Variants in BARD1 observed in about 807,000 individuals in gnomAD.
BARD1 encodes BRCA1-associated RING domain protein 1.
In BARD1, 73 loss-of-function variants were observed where a neutral mutation model predicts 77.0. The observed-to-expected ratio is 0.95, with a 90% CI of 0.79 to 1.15. BARD1 has a LOEUF of 1.15. BARD1 is among the 50% of genes most tolerant of loss of function. BARD1 has a pLI of 0.00. For synonymous variants in BARD1, 384 were observed against 338.0 expected (o/e 1.14, Z -1.49); for missense variants, 993 against 938.8 (o/e 1.06, Z -0.75).
intron 1 of BARD1, among the ~76,000 whole-genome samples, chr2:214,805,806 T>C (rs1559450215): frequency 6.6e-6 from 1 of 152,174 alleles, no homozygotes; most frequent in Non-Finnish European, 1.5e-5. Flanking sequence ...AAAAGATTAC[T>C]TTCTAACTTT....
In BARD1 at chr2:214,728,179, C is replaced by T. The variant is rs927470723; in HGVS notation, c.*497G>A. ...AAATGAACACAATATAGGATAAAGACAATTGCAGATAGGAGAATTTAACAC... is the reference window on the plus strand; with the variant it reads ...AAATGAACACAATATAGGATAAAGATAATTGCAGATAGGAGAATTTAACAC... On this transcript the variant is annotated 3_prime_UTR_variant, in exon 11 of 11. Coordinates refer to ENST00000260947, the MANE Select transcript of BARD1 (RefSeq NM_000465.4). 4.5e-6 allele frequency: 1 copy of T among 222,530 alleles called. No individual in the cohort carries two copies. Among genetic ancestry groups the T allele is most frequent in the Non-Finnish European group, 8.8e-6 (1 of 113,718 alleles). The allele number at this position is 222,530 out of a possible 1,614,324, so 13.8% of individuals were successfully genotyped here.
At chr2:214,742,732 T>C (rs1477420033) in intron 9 of BARD1, among the ~76,000 whole-genome samples, 3 of 152,216 alleles carry the variant, frequency 2.0e-5, no homozygotes, top group Non-Finnish European at 2.9e-5. Flanking sequence ...AAATAAATCA[T>C]GTAGCCTGTA....
chr2:214,757,249 T>A lies in BARD1; in HGVS notation c.1569-4694A>T, dbSNP rs7598683. 4.2e-3 allele frequency among the ~76,000 whole-genome samples: 640 copies of A among 152,188 alleles called. 2 individuals are homozygous for A. The highest frequency in any genetic ancestry group is 0.014 in the African/African-American group (591 of 41,542). On this transcript the variant is annotated intron_variant, in intron 6 of 10. Transcript: ENST00000260947. ...AAAAATTCAAAGGCTCTAATTTTTTTTCTGTTCCTTGACAACACAGTACAC... is the reference window on the plus strand; with the variant it reads ...AAAAATTCAAAGGCTCTAATTTTTTATCTGTTCCTTGACAACACAGTACAC...
At chr2:214,776,703 G>A (rs777148236) in intron 4 of BARD1, among the ~76,000 whole-genome samples, 8 of 152,160 alleles carry the variant, frequency 5.3e-5, no homozygotes, top group African/African-American at 1.4e-4. Context: ...GTCCACACAC[G>A]AATAATCCCC....
chr2:214,785,764 A>G (rs1159096000), intron 3 of BARD1, among the ~76,000 whole-genome samples: 1 of 151,948 alleles, frequency 6.6e-6, no homozygotes, highest in Non-Finnish European at 1.5e-5. Flanking sequence ...GAAACGGAGG[A>G]AAGTTGGAAA....
chr2:214,750,392 AC>A (rs2106031731), intron 7 of BARD1, among the ~76,000 whole-genome samples: 1 of 152,254 alleles, frequency 6.6e-6, no homozygotes, highest in East Asian at 1.9e-4. Context: ...TCTGGTCCCA[AC>A]CTAACCCTTT....
intron 6 of BARD1, among the ~76,000 whole-genome samples, chr2:214,753,570 T>C (rs934790756): frequency 2.0e-4 from 30 of 152,182 alleles, no homozygotes; most frequent in East Asian, 9.7e-4. Context: ...ATCAAATGTA[T>C]AGAAAAAGAT....
At chr2:214,791,482 G>A (rs1268196775) in intron 3 of BARD1, among the ~76,000 whole-genome samples, 1 of 152,112 alleles carries the variant, frequency 6.6e-6, no homozygotes, top group Non-Finnish European at 1.5e-5. Flanking sequence ...GCATGATCTG[G>A]TCAATAAAAA....
intron 9 of BARD1, among the ~76,000 whole-genome samples, chr2:214,735,348 AGAG>A (rs1158448411): frequency 6.6e-6 from 1 of 152,188 alleles, no homozygotes; most frequent in Non-Finnish European, 1.5e-5. Flanking sequence ...AGAGCTGAAA[AGAG>A]GAGGTAAAGT....
chr2:214,727,013 TAGAG>T lies in BARD1; in HGVS notation c.*1659_*1662del. ...AAATAAAAAATGACAACCAAAATCCTAGAGAGTCTTAAATTATTTAATCCAGACA... is the reference window on the plus strand; with the variant it reads ...AAATAAAAAATGACAACCAAAATCCTAGTCTTAAATTATTTAATCCAGACA... On this transcript the variant is annotated 3_prime_UTR_variant, in exon 11 of 11. Transcript: ENST00000260947. The T allele has an allele frequency of 4.8e-6, 1 of 206,476 alleles. No individual in the cohort carries two copies. Among genetic ancestry groups the T allele is most frequent in the Non-Finnish European group, 9.3e-6 (1 of 106,990 alleles). The allele number at this position is 206,476 out of a possible 1,614,324, so 12.8% of individuals were successfully genotyped here.
intron 2 of BARD1, among the ~76,000 whole-genome samples, chr2:214,796,317 C>T (rs1695751686): frequency 6.6e-6 from 1 of 152,166 alleles, no homozygotes; most frequent in Admixed American, 6.5e-5. Context: ...GTCTTCACCC[C>T]TCAGTTACTG....
intron 6 of BARD1, among the ~76,000 whole-genome samples, chr2:214,753,440 TG>T (rs796569757): frequency 8.5e-5 from 13 of 152,310 alleles, no homozygotes; most frequent in African/African-American, 2.6e-4. Flanking sequence ...TAGTCTTCTA[TG>T]TTTTTTTTAA....
chr2:214,777,759 A>C (rs937065898), intron 4 of BARD1, among the ~76,000 whole-genome samples: 1 of 152,218 alleles, frequency 6.6e-6, no homozygotes, highest in African/African-American at 2.4e-5. Context: ...AGTAGCTTTA[A>C]CTTTAGAGCC....
chr2:214,728,541 T>TC lies in BARD1; in HGVS notation c.*134_*135insG. On this transcript the variant is annotated 3_prime_UTR_variant, in exon 11 of 11. Coordinates refer to ENST00000260947, the MANE Select transcript of BARD1 (RefSeq NM_000465.4). ...AATTCCTAATCTGGCATTAGACTTT[T>TC]TTTTTTTTTTTGATTCAAAGACAAA... 1 of 858,578 alleles carries TC rather than the reference T, an allele frequency of 1.2e-6. No individual in the cohort carries two copies. The highest frequency in any genetic ancestry group is 1.9e-5 in the South Asian group (1 of 53,404). The allele number at this position is 858,578 out of a possible 1,614,324, so 53.2% of individuals were successfully genotyped here.
intron 1 of BARD1, among the ~76,000 whole-genome samples, chr2:214,809,023 G>A (rs1436298791): frequency 1.3e-5 from 2 of 152,206 alleles, no homozygotes; most frequent in Non-Finnish European, 2.9e-5. Flanking sequence ...ATTCGCCACA[G>A]CTCCCGGAAA....
intron 2 of BARD1, among the ~76,000 whole-genome samples, chr2:214,795,330 G>C (rs1341514858): frequency 6.6e-6 from 1 of 152,174 alleles, no homozygotes; most frequent in East Asian, 1.9e-4. Context: ...TTGGTGTATT[G>C]AATGAGCTAA....
chr2:214,755,085 A>T (rs1371870095), intron 6 of BARD1, among the ~76,000 whole-genome samples: 3 of 152,166 alleles, frequency 2.0e-5, no homozygotes, highest in African/African-American at 7.2e-5. Flanking sequence ...TAGTGTGAAA[A>T]ATCAATTTAA....
intron 9 of BARD1, among the ~76,000 whole-genome samples, chr2:214,738,323 T>C (rs538375725): frequency 1.3e-5 from 2 of 152,294 alleles, no homozygotes; most frequent in African/African-American, 4.8e-5. Flanking sequence ...TTTTTACATA[T>C]AGGTAAGCAG....
chr2:214,745,440 CACA>C (rs1256310395), intron 8 of BARD1, among the ~76,000 whole-genome samples: 1 of 152,182 alleles, frequency 6.6e-6, no homozygotes, highest in Non-Finnish European at 1.5e-5. Flanking sequence ...CATTACACTG[CACA>C]ACAATTTATT....
Sources: allele counts gnomAD v4.1 joint callset (sites outside exome capture counted in the v4.1 genomes callset), GRCh38; gene constraint gnomAD v4.1.1; transcripts MANE v1.5; gene names NCBI Gene and HGNC (gene_info 2026-07-23, HGNC 2026-07-21).